ZRSR2: variants seen among roughly 807,000 people sequenced by gnomAD.
ZRSR2 encodes the protein zinc finger CCCH-type, RNA binding motif and serine/arginine rich 2.
A neutral mutation model predicts 39.4 loss-of-function variants in ZRSR2; 3 were observed. The observed-to-expected ratio is 0.08, with a 90% CI of 0.03 to 0.20. ZRSR2 has a LOEUF of 0.20. ZRSR2 is among the 10% of genes least tolerant of loss of function. The pLI, the probability that ZRSR2 is intolerant of heterozygous loss-of-function variation, is 1.00. For synonymous variants in ZRSR2, 137 were observed against 136.0 expected, an observed-to-expected ratio of 1.01 and a Z score of -0.05; for missense variants, 256 against 391.5, an observed-to-expected ratio of 0.65 and a Z score of 2.92.
intron 2 of ZRSR2, among the ~76,000 whole-genome samples, chrX:15,798,021 T>G (rs1179667490): frequency 8.9e-6 from 1 of 112,548 alleles, no homozygotes; most frequent in Non-Finnish European, 1.9e-5. Context: ...TTAGATCATT[T>G]AATTATCTGA....
At chrX:15,800,025 G>C in intron 3 of ZRSR2, 72 bp downstream of exon 3, 1 of 725,255 alleles carries the variant, frequency 1.4e-6, no homozygotes, top group South Asian at 3.4e-5. Context: ...TTACTAACCA[G>C]TACCAGTCTT....
At chrX:15,795,088 T>TC (rs35705626) in intron 2 of ZRSR2, among the ~76,000 whole-genome samples, 300 of 59,295 alleles carry the variant, frequency 5.1e-3, no homozygotes, top group Non-Finnish European at 7.5e-3. Flanking sequence ...CCTGCACTTT[T>TC]CCCCCCCCCC....
intron 8 of ZRSR2, among the ~76,000 whole-genome samples, chrX:15,818,282 G>A (rs768696249): frequency 6.2e-5 from 7 of 112,723 alleles, no homozygotes; most frequent in African/African-American, 2.3e-4. Context: ...TCATTCAGAA[G>A]TGGAAAACGT....
chrX:15,799,109 C>T (rs1932576217), intron 2 of ZRSR2, among the ~76,000 whole-genome samples: 1 of 108,024 alleles, frequency 9.3e-6, no homozygotes, highest in African/African-American at 3.4e-5. Flanking sequence ...TCGCTTGAAC[C>T]CAGGAGGCGG....
intron 2 of ZRSR2, among the ~76,000 whole-genome samples, chrX:15,795,566 A>C (rs770835146): frequency 7.1e-5 from 8 of 111,968 alleles, no homozygotes; most frequent in Admixed American, 3.8e-4. Flanking sequence ...ACCAATTCAG[A>C]AAAAAGGATT....
chrX:15,819,806 A>G (rs776532151), intron 9 of ZRSR2, among the ~76,000 whole-genome samples: 2 of 111,795 alleles, frequency 1.8e-5, no homozygotes, highest in South Asian at 3.7e-4. Context: ...AGAGCAATTA[A>G]TGTATCATTT....
chrX:15,812,162 C>G (rs1387686424), intron 7 of ZRSR2, among the ~76,000 whole-genome samples: 1 of 109,840 alleles, frequency 9.1e-6, no homozygotes, highest in Non-Finnish European at 1.9e-5. Context: ...ATCTCCTGAC[C>G]TTGTGATCCG....
At chrX:15,804,992 T>C (rs1932765797) in intron 5 of ZRSR2, among the ~76,000 whole-genome samples, 1 of 112,067 alleles carries the variant, frequency 8.9e-6, no homozygotes, top group African/African-American at 3.2e-5. Flanking sequence ...ACAGTATATT[T>C]ATTTCAGAGG....
chrX:15,810,087 G>A (rs997151023), intron 7 of ZRSR2, among the ~76,000 whole-genome samples: 4 of 111,743 alleles, frequency 3.6e-5, no homozygotes, highest in Non-Finnish European at 7.5e-5. Flanking sequence ...ACACACACCC[G>A]TAGAACAGGG....
Position 15,823,222 on chromosome X carries a change from C to G in ZRSR2, c.1429C>G (p.Gln477Glu), listed in dbSNP as rs138415298. The change falls in exon 11 of 11, where the codon CAG (glutamine) becomes GAG (glutamate). Residue 477 changes from glutamine (Q) to glutamate (E), a missense_variant. Gln to Glu is a conservative substitution (Grantham distance 29). Transcript: ENST00000307771. ...RRSGNRDRTV[Q>E]SPKSK ...GTCGGGTAATAGAGACAGAACTGTTCAGAGTCCCAAATCCAAATAAACTAG... is the reference window on the plus strand; with the variant it reads ...GTCGGGTAATAGAGACAGAACTGTTGAGAGTCCCAAATCCAAATAAACTAG... 2.6e-6 allele frequency: 3 copies of G among 1,158,272 alleles called. No individual in the cohort carries two copies. The highest frequency in any genetic ancestry group is 3.0e-5 in the East Asian group (1 of 33,220).
chrX:15,817,977 T>A (rs1569072771), intron 8 of ZRSR2, among the ~76,000 whole-genome samples: 2 of 112,706 alleles, frequency 1.8e-5, no homozygotes, highest in African/African-American at 6.4e-5. Flanking sequence ...ACGTATTACC[T>A]GTTTCTTTGC....
intron 8 of ZRSR2, among the ~76,000 whole-genome samples, chrX:15,816,454 G>A (rs1190557904): frequency 8.9e-6 from 1 of 111,774 alleles, no homozygotes; most frequent in Admixed American, 9.5e-5. Flanking sequence ...TTTATTCATT[G>A]GATTCTTTCA....
At chrX:15,800,190 T>C (rs916300026) in intron 3 of ZRSR2, among the ~76,000 whole-genome samples, 10 of 101,576 alleles carry the variant, frequency 9.8e-5, no homozygotes, top group South Asian at 4.5e-4. Flanking sequence ...TTCTTTCTTT[T>C]TTTTTTTTTT....
chrX:15,790,506 C>T lies in ZRSR2; in HGVS notation c.11C>T (p.Pro4Leu), dbSNP rs1420055483. The change falls in exon 1 of 11, where the codon CCC becomes CTC. Residue 4 changes from proline to leucine, a missense_variant. Around this residue, in one of 3 missense-constraint regions of ZRSR2, gnomAD observed 87 missense variants for 111.7 expected, o/e 0.78. Transcript: ENST00000307771. ...GGCGGTGCCGGCAAGATGGCTGCGCCCGAGAAGATGACGTTTCCCGAGAAA... is the reference window on the plus strand; with the variant it reads ...GGCGGTGCCGGCAAGATGGCTGCGCTCGAGAAGATGACGTTTCCCGAGAAA... MAA[P>L]EKMTFPEKPS... 8.6e-7 allele frequency: 1 copy of T among 1,159,951 alleles called. No homozygotes were observed. Among genetic ancestry groups the T allele is most frequent in the Non-Finnish European group, 1.1e-6 (1 of 871,028 alleles).
Position 15,790,745 on chromosome X carries a change from GAGA to G in ZRSR2, c.42-184_42-182del, listed in dbSNP as rs1932245005. 6.4e-6 allele frequency: 4 copies of G among 621,943 alleles called. No homozygotes were observed. The South Asian group carries it at 8.4e-5, about 13-fold the overall frequency. The allele number at this position is 621,943 out of a possible 1,213,427, so 51.3% of individuals were successfully genotyped here. ...GAGGAGAGGATCAGGTTGGCGGATG[GAGA>G]AGAACTGTCTGGGAGTGGGAGGATG... On this transcript the variant is annotated intron_variant, in intron 1 of 10. Transcript: ENST00000307771.
intron 10 of ZRSR2, 78 bp from the exon 11 acceptor site, chrX:15,822,653 T>C (rs764564988): frequency 6.1e-5 from 73 of 1,196,305 alleles, no homozygotes; most frequent in Non-Finnish European, 7.6e-5. Context: ...ATATCAGAAA[T>C]GTACCTTCGG....
At chrX:15,799,284 G>A (rs939126419) in intron 2 of ZRSR2, among the ~76,000 whole-genome samples, 3 of 110,125 alleles carry the variant, frequency 2.7e-5, no homozygotes, top group Admixed American at 2.0e-4. Flanking sequence ...TGTTGAGATA[G>A]TGTGAATATA....
intron 7 of ZRSR2, among the ~76,000 whole-genome samples, chrX:15,814,427 G>A (rs1348085242): frequency 1.8e-5 from 2 of 111,584 alleles, no homozygotes; most frequent in East Asian, 2.8e-4. Context: ...CCAGGAGTGC[G>A]AGACCAGCCT....
intron 5 of ZRSR2, among the ~76,000 whole-genome samples, chrX:15,806,085 C>T (rs1171648738): frequency 9.0e-6 from 1 of 111,198 alleles, no homozygotes; most frequent in Non-Finnish European, 1.9e-5. Flanking sequence ...CAAGAAGAAG[C>T]CTGAAGCTTG....
Sources: allele counts gnomAD v4.1 joint callset (sites outside exome capture counted in the v4.1 genomes callset), GRCh38; gene constraint gnomAD v4.1.1; regional missense constraint gnomAD v4.1.1; transcripts MANE v1.5; gene names NCBI Gene and HGNC (gene_info 2026-07-23, HGNC 2026-07-21).